The following GPR155 variants were observed in gnomAD, a reference collection of about 807,000 sequenced individuals.
GPR155 encodes the protein lysosomal cholesterol signaling protein.
In GPR155, 65 loss-of-function variants were observed where a neutral mutation model predicts 93.1. That is an observed-to-expected ratio of 0.70 (90% CI 0.57 to 0.86). The LOEUF is 0.86. Ranked by LOEUF, GPR155 falls within the 40% of genes least tolerant of loss-of-function variation. The pLI is 0.00. For synonymous variants in GPR155, 319 were observed against 360.1 expected (o/e 0.89, Z 1.29); for missense variants, 838 against 1,034.8 (o/e 0.81, Z 2.61).
chr2:174,460,949 C>T (rs930617939), intron 9 of GPR155, among the ~76,000 whole-genome samples: 2 of 152,084 alleles, frequency 1.3e-5, no homozygotes, highest in Non-Finnish European at 1.5e-5. Context: ...TTTAAAAACA[C>T]ATCTTTGGAC....
At chr2:174,462,499 G>A (rs1291219559) in intron 7 of GPR155, among the ~76,000 whole-genome samples, 2 of 152,092 alleles carry the variant, frequency 1.3e-5, no homozygotes, top group Non-Finnish European at 1.5e-5. Context: ...TAGTAGAGAT[G>A]GGTTTCACCA....
At chr2:174,451,748 C>G (rs4972440) in intron 11 of GPR155, among the ~76,000 whole-genome samples, 1 of 151,578 alleles carries the variant, frequency 6.6e-6, no homozygotes, top group Non-Finnish European at 1.5e-5. Flanking sequence ...TGGGCTCAAG[C>G]GATCCTCCCA....
At chr2:174,476,072 C>T (rs1454849073) in intron 2 of GPR155, among the ~76,000 whole-genome samples, 1 of 152,130 alleles carries the variant, frequency 6.6e-6, no homozygotes, top group Non-Finnish European at 1.5e-5. Flanking sequence ...TTATATTTGG[C>T]CATTCACCAC....
intron 1 of GPR155, among the ~76,000 whole-genome samples, chr2:174,484,702 A>G (rs1007282134): frequency 6.6e-6 from 1 of 152,182 alleles, no homozygotes; most frequent in Admixed American, 6.5e-5. Context: ...AGGCCCAGGC[A>G]GGTGGACTGT....
intron 4 of GPR155, among the ~76,000 whole-genome samples, 164 bp downstream of exon 4, chr2:174,470,226 A>G (rs1371662266): frequency 2.0e-5 from 3 of 152,270 alleles, no homozygotes; most frequent in African/African-American, 7.2e-5. Flanking sequence ...TTGGGAGGCC[A>G]AGGCAGAAGG....
chr2:174,482,955 A>T (rs1688370369), intron 1 of GPR155: 1 of 152,156 alleles, frequency 6.6e-6, no homozygotes, highest in Non-Finnish European at 1.5e-5. Context: ...AGTTAAATAT[A>T]ACTTTTGGTA....
At position 174,469,264 on chromosome 2, in the gene GPR155, G is replaced by A. The variant is rs556895972; in HGVS notation, c.1027-197C>T. On this transcript the variant is annotated intron_variant, in intron 4 of 15. Transcript: ENST00000392552. ...ATACAAAATACAATTGAGTTACCTTGGTTCCTCTTCTAATCTATGCTTAAT... is the reference window on the plus strand; with the variant it reads ...ATACAAAATACAATTGAGTTACCTTAGTTCCTCTTCTAATCTATGCTTAAT... 5.3e-5 allele frequency among the ~76,000 whole-genome samples: 8 copies of A among 152,020 alleles called. No individual in the cohort carries two copies. The South Asian group carries it at 8.3e-4, about 16-fold the overall frequency.
intron 10 of GPR155, among the ~76,000 whole-genome samples, chr2:174,456,238 A>G (rs547602782): frequency 6.6e-6 from 1 of 152,260 alleles, no homozygotes; most frequent in East Asian, 1.9e-4. Context: ...ACAAAGTACA[A>G]AGGGTTCACA....
intron 3 of GPR155, among the ~76,000 whole-genome samples, chr2:174,472,372 C>T (rs1559116042): frequency 6.6e-6 from 1 of 152,182 alleles, no homozygotes; most frequent in Non-Finnish European, 1.5e-5. Flanking sequence ...CATGACTGCA[C>T]TCCAGTCTAG....
chr2:174,475,558 T>A (rs1008553331), intron 2 of GPR155, among the ~76,000 whole-genome samples: 2 of 151,968 alleles, frequency 1.3e-5, no homozygotes, highest in African/African-American at 4.8e-5. Flanking sequence ...ATCTATAATA[T>A]CTCCAAAATG....
In GPR155 at chr2:174,453,844, A is replaced by G. The variant is rs942609117; in HGVS notation, c.1772-3T>C. On this transcript the variant is annotated splice_polypyrimidine_tract_variant and splice_region_variant and intron_variant, in intron 10 of 15. Coordinates refer to ENST00000392552, the MANE Select transcript of GPR155 (RefSeq NM_152529.7). ...TCCCATGGAGCAGGAGCAGCAACCT[A>G]TATCAATCAAATAGTATGTGAGAGT... The G allele has an allele frequency of 8.1e-6, 13 of 1,595,584 alleles. No homozygotes were observed. The highest frequency in any genetic ancestry group is 1.1e-5 in the Non-Finnish European group (13 of 1,163,566).
intron 15 of GPR155, 93 bp downstream of exon 15, chr2:174,439,805 A>C: frequency 9.6e-7 from 1 of 1,042,144 alleles, no homozygotes; most frequent in Non-Finnish European, 1.4e-6. Context: ...GTAATCAGTC[A>C]CAACCACCTC....
At chr2:174,471,109 C>T (rs1270305044) in intron 3 of GPR155, among the ~76,000 whole-genome samples, 1 of 151,738 alleles carries the variant, frequency 6.6e-6, no homozygotes, top group Non-Finnish European at 1.5e-5. Flanking sequence ...TAAAATCCTG[C>T]CGGCATGGTG....
intron 3 of GPR155, among the ~76,000 whole-genome samples, chr2:174,471,971 A>G (rs992363419): frequency 1.3e-5 from 2 of 152,226 alleles, no homozygotes; most frequent in Middle Eastern, 3.2e-3. Context: ...TCTCATGAAT[A>G]TAACTGTCTA....
At chr2:174,482,056 A>T in intron 1 of GPR155, 69 bp from the exon 2 acceptor site, 2 of 771,898 alleles carry the variant, frequency 2.6e-6, no homozygotes, top group Non-Finnish European at 2.1e-6. Flanking sequence ...ATACACTGGC[A>T]AACCTAGATT....
At chr2:174,453,011 C>T (rs1687367234) in intron 11 of GPR155, among the ~76,000 whole-genome samples, 1 of 152,114 alleles carries the variant, frequency 6.6e-6, no homozygotes, top group Non-Finnish European at 1.5e-5. Flanking sequence ...ATATTTAAAG[C>T]ATAAAGATTC....
At chr2:174,457,286 TGAGA>T (rs1211458865) in intron 10 of GPR155, among the ~76,000 whole-genome samples, 5 of 152,184 alleles carry the variant, frequency 3.3e-5, no homozygotes, top group African/African-American at 1.2e-4. Flanking sequence ...CGCTCCAGCC[TGAGA>T]GACAGAGAAA....
At chr2:174,479,707 T>G (rs1688265300) in intron 2 of GPR155, among the ~76,000 whole-genome samples, 1 of 152,226 alleles carries the variant, frequency 6.6e-6, no homozygotes, top group Non-Finnish European at 1.5e-5. Context: ...TATTTAACAC[T>G]GTGGTGCCGA....
At position 174,443,215 on chromosome 2, in the gene GPR155, G is replaced by A. The variant is rs554577247; in HGVS notation, c.2110-1032C>T. 2.6e-5 allele frequency among the ~76,000 whole-genome samples: 4 copies of A among 152,090 alleles called. No homozygotes were observed. In the South Asian group the frequency reaches 8.3e-4, roughly 32 times the overall value. On this transcript the variant is annotated intron_variant, in intron 13 of 15. Coordinates refer to ENST00000392552, the MANE Select transcript of GPR155 (RefSeq NM_152529.7). ...TGTAATAAACTGATTAAGGTCATTTGTCTCTGTGGGCATAGCCATTTTTGC... is the reference window on the plus strand; with the variant it reads ...TGTAATAAACTGATTAAGGTCATTTATCTCTGTGGGCATAGCCATTTTTGC...
Sources: gnomAD v4.1 joint callset for allele counts (sites outside exome capture counted in the v4.1 genomes callset) on GRCh38, gnomAD v4.1.1 for gene constraint, MANE v1.5 for transcripts, NCBI Gene and HGNC (gene_info 2026-07-23, HGNC 2026-07-21) for gene names.